Variants in CBLB observed in about 807,000 individuals in gnomAD.
CBLB encodes E3 ubiquitin-protein ligase CBL-B.
In CBLB, 31 loss-of-function variants were observed where a neutral mutation model predicts 104.9. That is an observed-to-expected ratio of 0.30 (90% CI 0.22 to 0.40). The LOEUF (loss-of-function observed/expected upper bound fraction) is 0.40, where lower values mean the gene tolerates loss of function less well. CBLB is among the 10% of genes least tolerant of loss of function. The pLI is 1.00. For synonymous variants in CBLB, 440 were observed against 422.6 expected (o/e 1.04, Z -0.51); for missense variants, 1,062 against 1,214.6 (o/e 0.87, Z 1.87).
chr3:105,728,689 T>C (rs1035709838), intron 9 of CBLB, among the ~76,000 whole-genome samples: 5 of 152,176 alleles, frequency 3.3e-5, no homozygotes, highest in Non-Finnish European at 7.4e-5. Context: ...CAGAGTAGTA[T>C]TACTTCAAAG....
chr3:105,698,839 G>A (rs563303665), intron 12 of CBLB, among the ~76,000 whole-genome samples: 7 of 151,862 alleles, frequency 4.6e-5, no homozygotes, highest in East Asian at 3.9e-4. Context: ...CTCTTCACCC[G>A]CTCTCCTTTT....
chr3:105,656,990 T>C lies in CBLB; in HGVS notation c.*1980A>G, dbSNP rs556409111. 102 of 223,482 alleles carry C rather than the reference T, an allele frequency of 4.6e-4. No individual in the cohort carries two copies. In the Middle Eastern group the frequency reaches 5.5e-3, roughly 12 times the overall value. 13.8% of individuals were successfully genotyped at this position (223,482 alleles called of 1,614,324 possible). A position where few individuals can be genotyped will look rare whatever the true frequency, so the allele number is the denominator to read the frequency against. On this transcript the variant is annotated 3_prime_UTR_variant, in exon 19 of 19. Coordinates refer to ENST00000394030, the MANE Select transcript of CBLB (RefSeq NM_170662.5). ...TTAAAAGTGTAAGAAACTTCACTCA[T>C]GTACCTACTCATGGGAAGAACATCT...
At chr3:105,791,830 T>C (rs761626701) in intron 3 of CBLB, among the ~76,000 whole-genome samples, 1 of 152,224 alleles carries the variant, frequency 6.6e-6, no homozygotes, top group African/African-American at 2.4e-5. Context: ...TTATTTCCAT[T>C]ATGTTAGTTG....
rs573609482 is a variant in CBLB, at chr3:105,687,691, A to T, written c.2055-2225T>A. Among the ~76,000 whole-genome samples, 7 of 152,126 alleles carry T rather than the reference A, an allele frequency of 4.6e-5. No homozygotes were observed. The South Asian group carries it at 1.5e-3, about 32-fold the overall frequency. ...TTTTATTTTTCTGCTTATGTTTTTT[A>T]ATGAAAATGTTTAATATCAGTATAA... On this transcript the variant is annotated intron_variant, in intron 13 of 18. Transcript: ENST00000394030.
intron 10 of CBLB, among the ~76,000 whole-genome samples, chr3:105,711,509 A>G (rs2071076163): frequency 6.6e-6 from 1 of 152,022 alleles, no homozygotes; most frequent in Non-Finnish European, 1.5e-5. Flanking sequence ...TTACACACAT[A>G]CTCACATATT....
intron 3 of CBLB, among the ~76,000 whole-genome samples, chr3:105,808,348 T>C (rs187586806): frequency 1.5e-4 from 23 of 152,332 alleles, no homozygotes; most frequent in African/African-American, 4.8e-4. Flanking sequence ...TCTTTAGTAA[T>C]ATGTGTTTCT....
intron 3 of CBLB, among the ~76,000 whole-genome samples, chr3:105,850,885 A>T (rs1643659284): frequency 6.6e-6 from 1 of 152,158 alleles, no homozygotes; most frequent in Admixed American, 6.6e-5. Context: ...GAGCACCAAG[A>T]ACTGTCATTC....
intron 3 of CBLB, among the ~76,000 whole-genome samples, chr3:105,852,226 T>TA (rs1230160390): frequency 6.6e-6 from 1 of 151,804 alleles, no homozygotes; most frequent in Admixed American, 6.6e-5. Context: ...TGCTCCATGC[T>TA]AAAATGCAAA....
intron 3 of CBLB, among the ~76,000 whole-genome samples, chr3:105,826,078 T>TGGCTCCAGCATGACAC (rs1455777167): frequency 1.9e-5 from 1 of 53,840 alleles, no homozygotes; most frequent in Non-Finnish European, 4.7e-5. Flanking sequence ...GAGTTTGAAA[T>TGGCTCCAGCATGACAC]GGCTCCAGCA....
chr3:105,857,677 T>C (rs1265838509), intron 2 of CBLB, among the ~76,000 whole-genome samples: 1 of 152,236 alleles, frequency 6.6e-6, no homozygotes, highest in African/African-American at 2.4e-5. Context: ...TTTACATTTT[T>C]ATTTTATTCC....
intron 3 of CBLB, among the ~76,000 whole-genome samples, chr3:105,850,544 T>C (rs1031491270): frequency 6.6e-6 from 1 of 152,174 alleles, no homozygotes; most frequent in African/African-American, 2.4e-5. Flanking sequence ...AAACTATCAC[T>C]ATCATGAATA....
intron 3 of CBLB, among the ~76,000 whole-genome samples, chr3:105,803,072 A>G (rs573849783): frequency 2.6e-5 from 4 of 152,214 alleles, no homozygotes; most frequent in Admixed American, 6.5e-5. Context: ...ACAAGTGCTC[A>G]TTATAAATAG....
At chr3:105,753,852 T>C (rs1477668874) in intron 4 of CBLB, among the ~76,000 whole-genome samples, 1 of 152,216 alleles carries the variant, frequency 6.6e-6, no homozygotes. Context: ...ATACGAGATG[T>C]ATGAACTTAA....
At chr3:105,803,373 C>T (rs2083127193) in intron 3 of CBLB, among the ~76,000 whole-genome samples, 1 of 152,100 alleles carries the variant, frequency 6.6e-6, no homozygotes, top group Non-Finnish European at 1.5e-5. Flanking sequence ...CTCAGATTCT[C>T]CTCCGTAAGT....
intron 9 of CBLB, among the ~76,000 whole-genome samples, chr3:105,733,764 G>A (rs771826049): frequency 5.9e-5 from 9 of 152,116 alleles, no homozygotes; most frequent in Admixed American, 1.3e-4. Context: ...TGAACATACT[G>A]AAATCCATGG....
At chr3:105,849,587 T>C (rs1218097987) in intron 3 of CBLB, among the ~76,000 whole-genome samples, 1 of 152,144 alleles carries the variant, frequency 6.6e-6, no homozygotes. Flanking sequence ...CTATCAAAAT[T>C]ATCAAATGGA....
In CBLB at chr3:105,848,532, A is replaced by G. The variant is rs76712253; in HGVS notation, c.419+4882T>C. On this transcript the variant is annotated intron_variant, in intron 3 of 18. Transcript: ENST00000394030. ...TTAACAATCAACTAAAATTTTAAAA[A>G]GCAATCAGTTCAGAATTGACACCTA... is the stretch of plus-strand genomic sequence containing the variant. 8.5e-3 allele frequency among the ~76,000 whole-genome samples: 1,300 copies of G among 152,226 alleles called. 18 individuals are homozygous for G. The highest frequency in any genetic ancestry group is 0.029 in the African/African-American group (1,197 of 41,560).
intron 3 of CBLB, among the ~76,000 whole-genome samples, chr3:105,779,530 T>C (rs987644888): frequency 5.3e-5 from 8 of 152,060 alleles, no homozygotes; most frequent in African/African-American, 1.9e-4. Flanking sequence ...CCAGAATATA[T>C]ATATTTACTT....
chr3:105,746,539 C>A (rs1055117295), intron 5 of CBLB, among the ~76,000 whole-genome samples: 7 of 152,162 alleles, frequency 4.6e-5, no homozygotes, highest in Non-Finnish European at 1.0e-4. Context: ...CCCTCTTCCC[C>A]CTCAGAGACT....
Sources: gnomAD v4.1 joint callset for allele counts (sites outside exome capture counted in the v4.1 genomes callset) on GRCh38, gnomAD v4.1.1 for gene constraint, MANE v1.5 for transcripts, NCBI Gene and HGNC (gene_info 2026-07-23, HGNC 2026-07-21) for gene names.